The following ZNF518A variants were observed in gnomAD, a reference collection of about 807,000 sequenced individuals.
ZNF518A encodes zinc finger protein 518.
A neutral mutation model predicts 102.7 loss-of-function variants in ZNF518A; 47 were observed. That is an observed-to-expected ratio of 0.46 (90% CI 0.36 to 0.58). The LOEUF is 0.58. Among genes scored for constraint, ZNF518A ranks in the 20% least tolerant of loss-of-function variants. The pLI is 0.00. For synonymous variants in ZNF518A, 652 were observed against 594.6 expected, an observed-to-expected ratio of 1.10 and a Z score of -1.40; for missense variants, 1,793 against 1,699.8, an observed-to-expected ratio of 1.05 and a Z score of -0.96.
intron 1 of ZNF518A, among the ~76,000 whole-genome samples, chr10:96,181,443 T>G (rs1376637452): frequency 6.6e-6 from 1 of 152,228 alleles, no homozygotes; most frequent in Non-Finnish European, 1.5e-5. Flanking sequence ...TGAATGGTAT[T>G]GCCTAGGTTT....
At chr10:96,169,968 T>C (rs940974922) in intron 1 of ZNF518A, among the ~76,000 whole-genome samples, 1 of 152,232 alleles carries the variant, frequency 6.6e-6, no homozygotes, top group Non-Finnish European at 1.5e-5. Context: ...CTGGAATGAA[T>C]AAATCTTCCA....
intron 1 of ZNF518A, among the ~76,000 whole-genome samples, chr10:96,193,592 C>T (rs1460128222): frequency 6.6e-6 from 1 of 152,186 alleles, no homozygotes; most frequent in Non-Finnish European, 1.5e-5. Flanking sequence ...TTGGGCATAA[C>T]ATAGTTACAG....
chr10:96,130,072 T>TGTAA (rs2081241720), upstream of ZNF518A: 1 of 152,728 alleles, frequency 6.5e-6, no homozygotes, highest in Non-Finnish European at 1.5e-5. Flanking sequence ...CGGATGGAAG[T>TGTAA]GTAATGGCCG....
chr10:96,157,040 C>T lies in ZNF518A; in HGVS notation c.718C>T (p.His240Tyr), dbSNP rs781919443. Residue 240 changes from histidine (H) to tyrosine (Y), a missense_variant, in exon 6 of 6, where the codon CAT (histidine) becomes TAT (tyrosine). Coordinates refer to ENST00000316045, the MANE Select transcript of ZNF518A (RefSeq NM_001330736.2). ...NEIHYKCGKCHHVCFTKGELQ... is the reference protein window; with the variant it reads ...NEIHYKCGKCYHVCFTKGELQ... ...AATTCATTATAAGTGTGGTAAATGT[C>T]ATCATGTATGTTTTACCAAAGGAGA... 11 of 1,613,656 alleles carry T rather than the reference C, an allele frequency of 6.8e-6. No individual in the cohort carries two copies. Among genetic ancestry groups the T allele is most frequent in the South Asian group, 5.5e-5 (5 of 91,002 alleles).
chr10:96,201,417 C>T (rs41296135), intron 1 of ZNF518A, among the ~76,000 whole-genome samples: 2,255 of 152,168 alleles, frequency 0.015, 23 homozygotes, highest in Non-Finnish European at 0.023. Flanking sequence ...TAAACTAATG[C>T]CACTCTTTTC....
intron 3 of ZNF518A, among the ~76,000 whole-genome samples, chr10:96,150,910 G>A (rs1554880215): frequency 1.3e-5 from 2 of 151,318 alleles, no homozygotes; most frequent in East Asian, 1.9e-4. Flanking sequence ...CCACCACCAT[G>A]CCTGACTAAT....
In ZNF518A at chr10:96,160,235, C is replaced by T; in HGVS notation, c.3913C>T (p.Pro1305Ser). The stretch of plus-strand genomic sequence containing the variant: ...TAGAAAGTGTAAAGAAAAGGCAAAA[C>T]CTGAAGATGTCCGTGAAACATTTGG... ...LHRKCKEKAK[P>S]EDVRETFGFS... Residue 1305 changes from proline (P) to serine (S), a missense_variant, in exon 6 of 6, where the codon CCT (proline) becomes TCT (serine). Physicochemically the swap from Pro to Ser is moderately conservative, Grantham distance 74 (BLOSUM62 -1). Around this residue, in one of 3 missense-constraint regions of ZNF518A, gnomAD observed 1,741 missense variants for 1,622.6 expected, o/e 1.07. Coordinates refer to ENST00000316045, the MANE Select transcript of ZNF518A (RefSeq NM_001330736.2). 2.5e-6 allele frequency: 4 copies of T among 1,612,988 alleles called. No homozygotes were observed. In the African/African-American group the frequency reaches 5.3e-5, roughly 22 times the overall value.
At chr10:96,164,850 A>C (rs1421732297), downstream of ZNF518A, among the ~76,000 whole-genome samples, 1 of 152,238 alleles carries the variant, frequency 6.6e-6, no homozygotes, top group African/African-American at 2.4e-5. Flanking sequence ...CAAAGTGCTT[A>C]AACCAAAAGT....
chr10:96,180,400 G>C (rs2083232914), intron 1 of ZNF518A, among the ~76,000 whole-genome samples: 1 of 151,534 alleles, frequency 6.6e-6, no homozygotes, highest in Non-Finnish European at 1.5e-5. Context: ...CAACGTGCAG[G>C]TTTGTTACAT....
Position 96,158,205 on chromosome 10 carries a change from C to A in ZNF518A, c.1883C>A (p.Pro628His). ...ATTAATTATGGCAACTGTGAGTTAC[C>A]TGTTGAATCCTCCAACCAAGGATCA... ...YCINYGNCELPVESSNQGSLP... is the reference protein window; with the variant it reads ...YCINYGNCELHVESSNQGSLP... The change falls in exon 6 of 6, where the codon CCT (proline) becomes CAT (histidine). Residue 628 changes from proline to histidine, a missense_variant. Physicochemically the swap from Pro to His is moderately conservative, Grantham distance 77. Coordinates refer to ENST00000316045, the MANE Select transcript of ZNF518A (RefSeq NM_001330736.2). 1 of 1,613,666 alleles carries A rather than the reference C, an allele frequency of 6.2e-7. No homozygotes were observed. The highest frequency in any genetic ancestry group is 2.2e-5 in the East Asian group (1 of 44,862).
intron 1 of ZNF518A, chr10:96,192,240 C>G: frequency 8.9e-7 from 1 of 1,121,308 alleles, no homozygotes. Context: ...TTAACAAAGG[C>G]TGTAACCTTC....
chr10:96,142,831 AG>A (rs1554877090), intron 3 of ZNF518A, among the ~76,000 whole-genome samples: 1 of 149,298 alleles, frequency 6.7e-6, no homozygotes, highest in Non-Finnish European at 1.5e-5. Context: ...ATTGCGACAG[AG>A]TCTCGCTGTG....
chr10:96,157,002 A>G lies in ZNF518A; in HGVS notation c.680A>G (p.His227Arg). Residue 227 changes from histidine to arginine, a missense_variant, in exon 6 of 6, where the codon CAT becomes CGT. Physicochemically the swap from His to Arg is conservative, Grantham distance 29. This residue lies in a region of ZNF518A where 1,741 missense variants were observed against 1,622.6 expected (regional missense o/e 1.07). Transcript: ENST00000316045. Reference sequence around the variant, plus strand: ...GTTGGCACATTTGTTCAGCACATTCATAGACATAATGAAATTCATTATAAG... The same window carrying G: ...GTTGGCACATTTGTTCAGCACATTCGTAGACATAATGAAATTCATTATAAG... Reference protein sequence around the residue: ...QDVGTFVQHIHRHNEIHYKCG... With the variant: ...QDVGTFVQHIRRHNEIHYKCG... 6.2e-7 allele frequency: 1 copy of G among 1,613,878 alleles called. No homozygotes were observed. Among genetic ancestry groups the G allele is most frequent in the Non-Finnish European group, 8.5e-7 (1 of 1,179,796 alleles).
intron 3 of ZNF518A, among the ~76,000 whole-genome samples, chr10:96,140,870 G>T: frequency 6.6e-6 from 1 of 152,142 alleles, no homozygotes. Flanking sequence ...GAGCCCAGAA[G>T]GGCGAGGCTG....
chr10:96,165,529 A>G (rs1269891350), downstream of ZNF518A, among the ~76,000 whole-genome samples: 5 of 151,850 alleles, frequency 3.3e-5, no homozygotes, highest in African/African-American at 1.2e-4. Context: ...ACTGGGAGAT[A>G]CATAGTATTT....
intron 3 of ZNF518A, among the ~76,000 whole-genome samples, chr10:96,136,816 T>C (rs2081620069): frequency 2.0e-5 from 3 of 152,220 alleles, no homozygotes; most frequent in Non-Finnish European, 2.9e-5. Flanking sequence ...TTGCCTACCT[T>C]CTTTCCTCAG....
chr10:96,137,864 T>A (rs2081687280), intron 3 of ZNF518A, among the ~76,000 whole-genome samples: 1 of 152,170 alleles, frequency 6.6e-6, no homozygotes, highest in Admixed American at 6.5e-5. Flanking sequence ...ACAGTCCACA[T>A]TTCCTCTTGG....
At position 96,159,827 on chromosome 10, in the gene ZNF518A, T is replaced by A; in HGVS notation, c.3505T>A (p.Leu1169Met). Residue 1169 changes from leucine (L) to methionine (M), a missense_variant, in exon 6 of 6, where the codon TTG (leucine) becomes ATG (methionine). Leu to Met is a conservative substitution (Grantham distance 15). This residue lies in a region of ZNF518A where 1,741 missense variants were observed against 1,622.6 expected (regional missense o/e 1.07). Transcript: ENST00000316045. ...NLSVSNSASS[L>M]QKDNVPSNQI... ...GTCAGTAAGCAACTCTGCATCCTCA[T>A]TGCAAAAAGACAACGTACCATCTAA... is the stretch of plus-strand genomic sequence containing the variant. 6.2e-7 allele frequency: 1 copy of A among 1,613,530 alleles called. No individual in the cohort carries two copies. The highest frequency in any genetic ancestry group is 8.5e-7 in the Non-Finnish European group (1 of 1,179,742).
At chr10:96,189,139 C>T (rs1343771296) in intron 1 of ZNF518A, among the ~76,000 whole-genome samples, 11 of 152,212 alleles carry the variant, frequency 7.2e-5, no homozygotes, top group South Asian at 2.1e-4. Flanking sequence ...CCTATCATAA[C>T]ATTCCATACA....
Sources: gnomAD v4.1 joint callset for allele counts (sites outside exome capture counted in the v4.1 genomes callset) on GRCh38, gnomAD v4.1.1 for gene constraint, gnomAD v4.1.1 regional missense constraint, MANE v1.5 for transcripts, NCBI Gene and HGNC (gene_info 2026-07-23, HGNC 2026-07-21) for gene names.